Variants in PGM5 observed in about 807,000 individuals in gnomAD.
PGM5 encodes phosphoglucomutase 5, also known as phosphoglucomutase-like protein 5.
In PGM5, 23 loss-of-function variants were observed where a neutral mutation model predicts 59.2. That is an observed-to-expected ratio of 0.39 (90% CI 0.28 to 0.55). PGM5 has a LOEUF of 0.55. PGM5 is among the 20% of genes least tolerant of loss of function. The pLI, the probability that PGM5 is intolerant of heterozygous loss-of-function variation, is 0.66. For synonymous variants in PGM5, 214 were observed against 286.0 expected, an observed-to-expected ratio of 0.75 and a Z score of 2.54; for missense variants, 574 against 748.3, an observed-to-expected ratio of 0.77 and a Z score of 2.72.
rs116668003 is a variant in PGM5, at chr9:68,463,770, A to G, written c.1044-1323A>G. ...ATCCTGATAAACCCATCTTAAGTCA[A>G]AAATATTGTTAAGTCAAAAATGCAT... On this transcript the variant is annotated intron_variant, in intron 6 of 10. Transcript: ENST00000396396. Among the ~76,000 whole-genome samples, 1,226 of 152,310 alleles carry G rather than the reference A, an allele frequency of 8.0e-3. 12 individuals are homozygous for G. The highest frequency in any genetic ancestry group is 0.028 in the African/African-American group (1,184 of 41,562).
intron 6 of PGM5, among the ~76,000 whole-genome samples, chr9:68,450,034 A>G (rs1554684249): frequency 2.0e-5 from 3 of 152,188 alleles, no homozygotes; most frequent in African/African-American, 7.2e-5. Flanking sequence ...CTCACATGGT[A>G]GACTCTCATA....
At chr9:68,403,027 C>T (rs2132029505) in intron 6 of PGM5, among the ~76,000 whole-genome samples, 1 of 152,232 alleles carries the variant, frequency 6.6e-6, no homozygotes, top group South Asian at 2.1e-4. Flanking sequence ...AAGATGCTGC[C>T]TGAAAGTTTT....
At chr9:68,424,819 G>T (rs928319843) in intron 6 of PGM5, among the ~76,000 whole-genome samples, 1 of 152,116 alleles carries the variant, frequency 6.6e-6, no homozygotes, top group Admixed American at 6.5e-5. Context: ...GTCTCTTAGG[G>T]GACTAGTGGG....
chr9:68,377,492 T>C (rs1291819039), intron 1 of PGM5, among the ~76,000 whole-genome samples: 1 of 152,200 alleles, frequency 6.6e-6, no homozygotes, highest in Non-Finnish European at 1.5e-5. Flanking sequence ...TGAATCCAAT[T>C]TTAAAACAAG....
chr9:68,513,518 G>A (rs1422789484), intron 10 of PGM5, among the ~76,000 whole-genome samples: 44 of 152,168 alleles, frequency 2.9e-4, no homozygotes, highest in African/African-American at 1.1e-3. Flanking sequence ...ACAAAGAAAG[G>A]GAAGCAAACA....
chr9:68,512,675 T>C (rs1824768162), intron 10 of PGM5, among the ~76,000 whole-genome samples: 1 of 152,244 alleles, frequency 6.6e-6, no homozygotes, highest in Admixed American at 6.5e-5. Context: ...CCTAATGATC[T>C]CATTTTAACA....
At chr9:68,394,790 A>G (rs1822456356) in intron 6 of PGM5, among the ~76,000 whole-genome samples, 1 of 151,776 alleles carries the variant, frequency 6.6e-6, no homozygotes, top group African/African-American at 2.4e-5. Flanking sequence ...AGTTAATTTT[A>G]AAAACATTTT....
At chr9:68,412,893 G>T (rs1409603490) in intron 6 of PGM5, among the ~76,000 whole-genome samples, 11 of 151,992 alleles carry the variant, frequency 7.2e-5, no homozygotes, top group South Asian at 2.1e-4. Flanking sequence ...GGAGGTCCTT[G>T]GTCTTTTGTG....
intron 9 of PGM5, among the ~76,000 whole-genome samples, chr9:68,487,012 G>A (rs1200560734): frequency 2.6e-5 from 4 of 152,162 alleles, no homozygotes; most frequent in Admixed American, 1.3e-4. Flanking sequence ...TTTAAATTAA[G>A]ATAGAAGGAG....
chr9:68,440,931 G>A (rs1412483850), intron 6 of PGM5, among the ~76,000 whole-genome samples: 4 of 151,964 alleles, frequency 2.6e-5, no homozygotes, highest in African/African-American at 9.7e-5. Context: ...CAACAAAGAT[G>A]AAAAGAGAGA....
intron 10 of PGM5, among the ~76,000 whole-genome samples, chr9:68,515,756 A>G (rs1240651062): frequency 6.6e-6 from 1 of 152,186 alleles, no homozygotes; most frequent in East Asian, 1.9e-4. Context: ...TCTTTTATCA[A>G]AAAGATAACA....
At chr9:68,480,693 C>A (rs1824182445) in intron 8 of PGM5, among the ~76,000 whole-genome samples, 1 of 146,448 alleles carries the variant, frequency 6.8e-6, no homozygotes. Flanking sequence ...AGTGAGACTC[C>A]ATCTCAAAAA....
At chr9:68,458,740 G>A (rs1182332836) in intron 6 of PGM5, among the ~76,000 whole-genome samples, 1 of 152,128 alleles carries the variant, frequency 6.6e-6, no homozygotes, top group Non-Finnish European at 1.5e-5. Context: ...AAAAACTTTT[G>A]TAGTTATCTT....
chr9:68,372,583 G>A (rs1286597818), intron 1 of PGM5, among the ~76,000 whole-genome samples: 2 of 152,096 alleles, frequency 1.3e-5, no homozygotes, highest in African/African-American at 2.4e-5. Context: ...CCATGTTGTT[G>A]AGCCCATGCA....
At chr9:68,493,385 A>G (rs1319803868) in intron 9 of PGM5, among the ~76,000 whole-genome samples, 1 of 152,230 alleles carries the variant, frequency 6.6e-6, no homozygotes, top group East Asian at 1.9e-4. Flanking sequence ...AACATAAGAT[A>G]TTGTTCAGAT....
chr9:68,467,058 G>C (rs1315502569), intron 7 of PGM5, among the ~76,000 whole-genome samples: 5 of 152,132 alleles, frequency 3.3e-5, no homozygotes, highest in African/African-American at 1.2e-4. Context: ...GTAAGAGAAG[G>C]GTTTGGGGGA....
In PGM5 at chr9:68,529,603, A is replaced by G; in HGVS notation, c.1651A>G (p.Ile551Val). The G allele has an allele frequency of 6.2e-7, 1 of 1,600,752 alleles. No homozygotes were observed. Among genetic ancestry groups the G allele is most frequent in the Non-Finnish European group, 8.5e-7 (1 of 1,171,424 alleles). The change falls in exon 11 of 11, where the codon ATA (isoleucine) becomes GTA (valine). Residue 551 changes from isoleucine (I) to valine (V), a missense_variant. Ile to Val is a conservative substitution (Grantham distance 29). Transcript: ENST00000396396. ...CCCTCTCATAGCCATCGCACTGAAA[A>G]TATCCCAGATTCATGAGAGAACTGG... Reference protein sequence around the residue: ...LSPLIAIALKISQIHERTGRR... With the variant: ...LSPLIAIALKVSQIHERTGRR...
chr9:68,459,530 T>G lies in PGM5; in HGVS notation c.1044-5563T>G, dbSNP rs114354614. Reference sequence around the variant, plus strand: ...CATTCATTCTTGTTGTTTCATCTAATGGCAGGCAGTTCATTTTTGTTGTTC... The same window carrying G: ...CATTCATTCTTGTTGTTTCATCTAAGGGCAGGCAGTTCATTTTTGTTGTTC... On this transcript the variant is annotated intron_variant, in intron 6 of 10. Coordinates refer to ENST00000396396, the MANE Select transcript of PGM5 (RefSeq NM_021965.4). Among the ~76,000 whole-genome samples the G allele has an allele frequency of 9.6e-3, 1,462 of 152,332 alleles. 18 individuals are homozygous for G. The highest frequency in any genetic ancestry group is 0.034 in the African/African-American group (1,415 of 41,566).
At chr9:68,513,140 A>T (rs1259166492) in intron 10 of PGM5, among the ~76,000 whole-genome samples, 4 of 152,228 alleles carry the variant, frequency 2.6e-5, no homozygotes, top group African/African-American at 9.6e-5. Flanking sequence ...AACCATACAC[A>T]CTATAAATTT....
Sources: gnomAD v4.1 joint callset for allele counts (sites outside exome capture counted in the v4.1 genomes callset) on GRCh38, gnomAD v4.1.1 for gene constraint, MANE v1.5 for transcripts, NCBI Gene and HGNC (gene_info 2026-07-23, HGNC 2026-07-21) for gene names.